CCDC102B: variants seen among roughly 807,000 people sequenced by gnomAD.
The protein encoded by CCDC102B is coiled-coil domain-containing protein 102B.
A neutral mutation model predicts 57.4 loss-of-function variants in CCDC102B; 75 were observed. That is an observed-to-expected ratio of 1.31 (90% CI 1.08 to 1.58). The LOEUF (loss-of-function observed/expected upper bound fraction) is 1.58. CCDC102B is among the 40% of genes most tolerant of loss of function. CCDC102B has a pLI of 0.00. For missense variants in CCDC102B, 636 were observed against 582.6 expected (o/e 1.09, Z -0.94); for synonymous variants, 206 against 201.9 (o/e 1.02, Z -0.17).
chr18:68,741,467 G>A (rs62100009), intron 2 of CCDC102B, among the ~76,000 whole-genome samples: 3 of 152,172 alleles, frequency 2.0e-5, no homozygotes, highest in Admixed American at 6.5e-5. Context: ...TGAACCATGG[G>A]GATCTAAGTG....
intron 5 of CCDC102B, among the ~76,000 whole-genome samples, chr18:68,875,915 A>G (rs922205158): frequency 1.3e-5 from 2 of 152,068 alleles, no homozygotes; most frequent in African/African-American, 4.8e-5. Flanking sequence ...CAGCTCTTCT[A>G]TAAGTCCTAA....
rs1403609779 is a variant in CCDC102B, at chr18:69,054,664, G to A, written c.*527G>A. The A allele has an allele frequency of 2.0e-6, 2 of 980,816 alleles. No homozygotes were observed. The highest frequency in any genetic ancestry group is 6.2e-5 in the Admixed American group (1 of 16,214). 60.8% of individuals were successfully genotyped at this position (980,816 alleles called of 1,614,324 possible). A position where few individuals can be genotyped will look rare whatever the true frequency, so the allele number is the denominator to read the frequency against. On this transcript the variant is annotated 3_prime_UTR_variant, in exon 8 of 8. Transcript: ENST00000360242. ...ATTTTATAAGTCATTTCTAATCTTTGTATAAAACAGAAGTGAGCAGATGAA... is the reference window on the plus strand; with the variant it reads ...ATTTTATAAGTCATTTCTAATCTTTATATAAAACAGAAGTGAGCAGATGAA...
At chr18:68,761,301 TTATG>T (rs1053000665) in intron 2 of CCDC102B, among the ~76,000 whole-genome samples, 2 of 152,116 alleles carry the variant, frequency 1.3e-5, no homozygotes, top group Non-Finnish European at 2.9e-5. Flanking sequence ...AAAAAAGTCT[TTATG>T]TAGTACTTCT....
chr18:68,896,362 G>C (rs1231101859), intron 5 of CCDC102B, among the ~76,000 whole-genome samples: 1 of 151,968 alleles, frequency 6.6e-6, no homozygotes, highest in East Asian at 1.9e-4. Context: ...AATTTCTAGA[G>C]TAGGCTTCTG....
intron 5 of CCDC102B, among the ~76,000 whole-genome samples, chr18:68,879,897 A>G (rs1161909419): frequency 2.0e-5 from 3 of 152,228 alleles, no homozygotes; most frequent in South Asian, 2.1e-4. Context: ...AAGGTTCTCC[A>G]CGTCCCCACC....
intron 6 of CCDC102B, among the ~76,000 whole-genome samples, chr18:68,966,176 A>G (rs970684208): frequency 1.8e-4 from 28 of 152,048 alleles, no homozygotes; most frequent in African/African-American, 6.8e-4. Flanking sequence ...CAGTTTGGGT[A>G]ATTTCTAGTG....
chr18:68,840,560 CAG>C (rs2037584509), intron 3 of CCDC102B, among the ~76,000 whole-genome samples: 1 of 152,100 alleles, frequency 6.6e-6, no homozygotes, highest in African/African-American at 2.4e-5. Context: ...TAGTAGAAAA[CAG>C]AATAAAAATG....
chr18:68,748,595 T>C (rs2033722101), intron 2 of CCDC102B, among the ~76,000 whole-genome samples: 1 of 152,116 alleles, frequency 6.6e-6, no homozygotes, highest in Admixed American at 6.6e-5. Flanking sequence ...GATAGCACAT[T>C]ACCCAAATGC....
In CCDC102B at chr18:68,771,869, TACAC is replaced by T. The variant is rs57733183; in HGVS notation, c.-66-51461_-66-51458del. Among the ~76,000 whole-genome samples, 373 of 142,102 alleles carry T rather than the reference TACAC, an allele frequency of 2.6e-3. 1 individual carries two copies. The highest frequency in any genetic ancestry group is 7.9e-3 in the African/African-American group (302 of 38,188). 93.2% of individuals were successfully genotyped at this position (142,102 alleles called of 152,430 possible). Reference sequence around the variant, plus strand: ...GTACATATGAGTTGTTACTCTGAAATACACACACACACACACACACACACACACA... The same window carrying T: ...GTACATATGAGTTGTTACTCTGAAATACACACACACACACACACACACACA... On this transcript the variant is annotated intron_variant, in intron 2 of 3. Coordinates refer to the CCDC102B transcript ENST00000578970.
At chr18:68,928,250 G>A (rs79652452) in intron 6 of CCDC102B, among the ~76,000 whole-genome samples, 2,183 of 151,918 alleles carry the variant, frequency 0.014, 24 homozygotes, top group East Asian at 0.033. Flanking sequence ...TGGAGACATC[G>A]CCTGGATTAT....
chr18:69,048,437 C>G (rs2145491422), intron 7 of CCDC102B, among the ~76,000 whole-genome samples: 1 of 151,884 alleles, frequency 6.6e-6, no homozygotes, highest in Middle Eastern at 3.4e-3. Context: ...AAAATGGAAA[C>G]TAAGAAAAGT....
intron 2 of CCDC102B, among the ~76,000 whole-genome samples, chr18:68,768,421 A>G (rs774227209): frequency 2.6e-5 from 4 of 152,190 alleles, no homozygotes; most frequent in Non-Finnish European, 5.9e-5. Flanking sequence ...ATACTTAAAC[A>G]TGTACAGTCA....
intron 7 of CCDC102B, among the ~76,000 whole-genome samples, chr18:69,044,488 C>A (rs1408825380): frequency 6.6e-6 from 1 of 152,080 alleles, no homozygotes; most frequent in African/African-American, 2.4e-5. Flanking sequence ...AGTATTTTCC[C>A]TCTAGAGAAG....
At chr18:68,902,871 T>C (rs2040501543) in intron 6 of CCDC102B, among the ~76,000 whole-genome samples, 1 of 152,246 alleles carries the variant, frequency 6.6e-6, no homozygotes, top group Admixed American at 6.5e-5. Context: ...GTATCTCTAT[T>C]GTATGTGACT....
chr18:68,715,258 G>A, exon 1 of CCDC102B: 2 of 1,333,588 alleles, frequency 1.5e-6, no homozygotes, highest in African/African-American at 1.5e-5. Flanking sequence ...ACGCCCAGGA[G>A]CGTGGGAACC....
intron 6 of CCDC102B, among the ~76,000 whole-genome samples, chr18:68,986,949 C>T (rs1288743457): frequency 6.6e-6 from 1 of 152,148 alleles, no homozygotes; most frequent in Non-Finnish European, 1.5e-5. Flanking sequence ...AAAAACATCC[C>T]ATGCTCATGG....
At chr18:68,957,741 C>A (rs575372563) in intron 6 of CCDC102B, among the ~76,000 whole-genome samples, 1 of 152,076 alleles carries the variant, frequency 6.6e-6, no homozygotes, top group South Asian at 2.1e-4. Context: ...TTCTTTCAAT[C>A]CTTGAACATG....
upstream of CCDC102B, chr18:68,715,231 T>A: frequency 7.5e-7 from 1 of 1,334,746 alleles, no homozygotes; most frequent in African/African-American, 1.5e-5. Flanking sequence ...TCCTTTGCGC[T>A]CTCGGTGCCC....
intron 2 of CCDC102B, among the ~76,000 whole-genome samples, chr18:68,789,735 AT>A (rs2035357556): frequency 7.1e-6 from 1 of 140,868 alleles, no homozygotes; most frequent in African/African-American, 2.7e-5. Context: ...ATTCTTCTAA[AT>A]TTTTTTCAAA....
Sources: gnomAD v4.1 joint callset for allele counts (sites outside exome capture counted in the v4.1 genomes callset) on GRCh38, gnomAD v4.1.1 for gene constraint, MANE v1.5 for transcripts, NCBI Gene and HGNC (gene_info 2026-07-23, HGNC 2026-07-21) for gene names.